The following ZNF143 variants were observed in gnomAD, a reference collection of about 807,000 sequenced individuals.
The protein encoded by ZNF143 is zinc finger protein 143, also known as SPH-binding factor.
ZNF143 carries 49 observed loss-of-function variants against 74.1 expected under a neutral mutation model. That is an observed-to-expected ratio of 0.66 (90% CI 0.53 to 0.84). The LOEUF is 0.84. Ranked by LOEUF, ZNF143 falls within the 40% of genes least tolerant of loss-of-function variation. The pLI is 0.00. For missense variants in ZNF143, 637 were observed against 793.4 expected (o/e 0.80, Z 2.37); for synonymous variants, 304 against 282.8 (o/e 1.07, Z -0.75).
chr11:9,480,045 T>C (rs1847174901), intron 7 of ZNF143, among the ~76,000 whole-genome samples: 1 of 152,196 alleles, frequency 6.6e-6, no homozygotes, highest in Non-Finnish European at 1.5e-5. Flanking sequence ...TTATACTTTT[T>C]CTACCAGACT....
At chr11:9,517,351 A>G (rs779009678) in intron 14 of ZNF143, among the ~76,000 whole-genome samples, 5 of 152,226 alleles carry the variant, frequency 3.3e-5, no homozygotes, top group South Asian at 2.1e-4. Context: ...ATGTGCCGCA[A>G]TTAAAGTCTT....
At position 9,475,400 on chromosome 11, in the gene ZNF143, C is replaced by T. The variant is rs543177713; in HGVS notation, c.373+767C>T. On this transcript the variant is annotated intron_variant, in intron 5 of 15. Transcript: ENST00000396602. The stretch of plus-strand genomic sequence containing the variant: ...TCAGCCTCCTGAGCAGCTAGGACTA[C>T]ACGTGTGTGTCACCACAGCCAGCTG... 6.6e-5 allele frequency among the ~76,000 whole-genome samples: 10 copies of T among 152,284 alleles called. No individual in the cohort carries two copies. The South Asian group carries it at 2.1e-3, about 32-fold the overall frequency.
At position 9,471,323 on chromosome 11, in the gene ZNF143, A is replaced by G. The variant is rs777407668; in HGVS notation, c.15A>G (p.Gln5=). The change falls in exon 2 of 16, where the codon CAA becomes CAG. Residue 5 remains glutamine, a synonymous_variant. Coordinates refer to ENST00000396602, the MANE Select transcript of ZNF143 (RefSeq NM_003442.6). The part of the protein sequence containing the change: MLLA[Q]INRDSQGMTE... ...CAAGGTAGAAGATGTTGTTAGCCCA[A>G]ATAAATCGAGATTCTCAGGGAATGA... The G allele has an allele frequency of 2.5e-6, 4 of 1,611,398 alleles. No homozygotes were observed. In the South Asian group the frequency reaches 4.4e-5, roughly 18 times the overall value.
At chr11:9,498,205 G>A (rs980105605) in intron 10 of ZNF143, among the ~76,000 whole-genome samples, 1 of 152,216 alleles carries the variant, frequency 6.6e-6, no homozygotes, top group Non-Finnish European at 1.5e-5. Flanking sequence ...AATATCAAGG[G>A]CTTCTCTTGA....
intron 7 of ZNF143, among the ~76,000 whole-genome samples, chr11:9,489,728 A>G (rs942645907): frequency 2.0e-5 from 3 of 152,212 alleles, no homozygotes; most frequent in Non-Finnish European, 4.4e-5. Flanking sequence ...GCTGGTAAGC[A>G]CTTTCATTTC....
intron 5 of ZNF143, among the ~76,000 whole-genome samples, chr11:9,476,254 G>A (rs2133893965): frequency 6.6e-6 from 1 of 152,140 alleles, no homozygotes; most frequent in Middle Eastern, 3.4e-3. Flanking sequence ...CATACGTAGG[G>A]TTGTTGTGAG....
intron 2 of ZNF143, among the ~76,000 whole-genome samples, chr11:9,472,130 T>C (rs1173933216): frequency 1.3e-5 from 2 of 148,504 alleles, no homozygotes; most frequent in African/African-American, 2.5e-5. Flanking sequence ...GGTTTCACCA[T>C]GTTGCCCAGG....
At chr11:9,512,889 A>G (rs1393085167) in intron 13 of ZNF143, among the ~76,000 whole-genome samples, 1 of 152,202 alleles carries the variant, frequency 6.6e-6, no homozygotes, top group Non-Finnish European at 1.5e-5. Context: ...TGTGAAACAC[A>G]GATCAGAAAA....
At chr11:9,494,387 C>G (rs1847887096) in intron 7 of ZNF143, among the ~76,000 whole-genome samples, 1 of 152,174 alleles carries the variant, frequency 6.6e-6, no homozygotes, top group Non-Finnish European at 1.5e-5. Flanking sequence ...CTCACTGCAG[C>G]CTTGACCTCC....
chr11:9,517,418 T>C (rs2134218002), intron 14 of ZNF143, among the ~76,000 whole-genome samples: 1 of 152,242 alleles, frequency 6.6e-6, no homozygotes, highest in East Asian at 1.9e-4. Flanking sequence ...TATATATGTG[T>C]GAGTAGATAT....
intron 14 of ZNF143, among the ~76,000 whole-genome samples, chr11:9,518,490 A>G (rs537888183): frequency 4.6e-5 from 7 of 152,354 alleles, no homozygotes; most frequent in African/African-American, 1.2e-4. Flanking sequence ...AGGTGGGTGG[A>G]TCACCTGAGG....
Position 9,462,446 on chromosome 11 carries a change from C to T in ZNF143, c.-8+1370C>T, listed in dbSNP as rs555266164. 1.3e-3 allele frequency among the ~76,000 whole-genome samples: 192 copies of T among 152,078 alleles called. 2 individuals are homozygous for T. Among genetic ancestry groups the T allele is most frequent in the Middle Eastern group, 3.4e-3 (1 of 294 alleles). ...AGTGAAATCAGCGTGTGCCTGTAGT[C>T]CCAGGTACTTGGAGGCAGAGGTGAG... is the stretch of plus-strand genomic sequence containing the variant. On this transcript the variant is annotated intron_variant, in intron 1 of 15. Coordinates refer to ENST00000396602, the MANE Select transcript of ZNF143 (RefSeq NM_003442.6).
intron 11 of ZNF143, among the ~76,000 whole-genome samples, chr11:9,503,832 A>G (rs1848254923): frequency 6.6e-6 from 1 of 150,678 alleles, no homozygotes; most frequent in South Asian, 2.1e-4. Context: ...TTGTATTTTT[A>G]GTAGAGACAG....
chr11:9,517,231 T>G (rs1042314230), intron 14 of ZNF143, among the ~76,000 whole-genome samples: 1 of 152,112 alleles, frequency 6.6e-6, no homozygotes, highest in East Asian at 1.9e-4. Context: ...CTGTTCTGCA[T>G]CTTGTTGTTG....
intron 1 of ZNF143, among the ~76,000 whole-genome samples, chr11:9,465,909 C>A (rs1277584579): frequency 6.6e-6 from 1 of 151,958 alleles, no homozygotes; most frequent in Non-Finnish European, 1.5e-5. Context: ...ACTGCAGCCT[C>A]TACCTCCCAG....
intron 14 of ZNF143, among the ~76,000 whole-genome samples, chr11:9,518,167 CAT>C (rs1435999070): frequency 6.6e-6 from 1 of 152,156 alleles, no homozygotes. Context: ...AAAAAGTGCA[CAT>C]CTTTTATCAT....
At chr11:9,485,117 A>G (rs1847418624) in intron 7 of ZNF143, among the ~76,000 whole-genome samples, 1 of 151,012 alleles carries the variant, frequency 6.6e-6, no homozygotes, top group East Asian at 1.9e-4. Context: ...TTTTAAGATA[A>G]TATTTTTAGT....
In ZNF143 at chr11:9,471,352, A is replaced by T; in HGVS notation, c.44A>T (p.Glu15Val). 6.2e-7 allele frequency: 1 copy of T among 1,612,584 alleles called. No individual in the cohort carries two copies. ...QINRDSQGMT[E>V]FPGGGMEAQH... is the part of the protein sequence containing the mutation. ...AATCGAGATTCTCAGGGAATGACAG[A>T]GTTTCCTGGAGGAGGGATGGAGGCG... The change falls in exon 2 of 16, where the codon GAG becomes GTG. Residue 15 changes from glutamate to valine, a missense_variant. Glu to Val is a moderately radical substitution (Grantham distance 121). Around this residue, in one of 2 missense-constraint regions of ZNF143, gnomAD observed 293 missense variants for 307.8 expected, o/e 0.95. Coordinates refer to ENST00000396602, the MANE Select transcript of ZNF143 (RefSeq NM_003442.6).
At chr11:9,470,502 G>T (rs1050205888) in intron 1 of ZNF143, among the ~76,000 whole-genome samples, 1 of 114,328 alleles carries the variant, frequency 8.7e-6, no homozygotes, top group Non-Finnish European at 2.0e-5. Flanking sequence ...CTTGAAGAGG[G>T]TAGGGAATGA....
Sources: gnomAD v4.1 joint callset for allele counts (sites outside exome capture counted in the v4.1 genomes callset) on GRCh38, gnomAD v4.1.1 for gene constraint, gnomAD v4.1.1 regional missense constraint, MANE v1.5 for transcripts, NCBI Gene and HGNC (gene_info 2026-07-23, HGNC 2026-07-21) for gene names.